REPS2: variants seen among roughly 807,000 people sequenced by gnomAD.
The protein encoded by REPS2 is ralBP1-associated Eps domain-containing protein 2.
In REPS2, 23 loss-of-function variants were observed where a neutral mutation model predicts 53.6. That is an observed-to-expected ratio of 0.43 (90% CI 0.31 to 0.61). The LOEUF (loss-of-function observed/expected upper bound fraction) is 0.61. Ranked by LOEUF, REPS2 falls within the 20% of genes least tolerant of loss-of-function variation. The pLI is 0.11. For synonymous variants in REPS2, 238 were observed against 218.6 expected, an observed-to-expected ratio of 1.09 and a Z score of -0.78; for missense variants, 446 against 534.9, an observed-to-expected ratio of 0.83 and a Z score of 1.64.
In REPS2 at chrX:17,106,415, C is replaced by CT. The variant is rs1228397463; in HGVS notation, c.1578+2652dup. Among the ~76,000 whole-genome samples, 198 of 100,204 alleles carry CT rather than the reference C, an allele frequency of 2.0e-3. 1 individual carries two copies. Among genetic ancestry groups the CT allele is most frequent in the South Asian group, 8.9e-3 (20 of 2,259 alleles). The allele number at this position is 100,204 out of a possible 115,157, so 87.0% of individuals were successfully genotyped here. A position where few individuals can be genotyped will look rare whatever the true frequency, so the allele number is the denominator to read the frequency against. ...AAAATGGCCATACTGCCTGAAGTAA[C>CT]TTTTTTTTTTTTTTTTGAGACGGAG... is the stretch of plus-strand genomic sequence containing the variant. On this transcript the variant is annotated intron_variant, in intron 14 of 17. Transcript: ENST00000357277.
At position 17,038,205 on chromosome X, in the gene REPS2, A is replaced by G. The variant is rs1162691375; in HGVS notation, c.771+8582A>G. Among the ~76,000 whole-genome samples the G allele has an allele frequency of 4.5e-5, 5 of 112,247 alleles. No individual in the cohort carries two copies. In the East Asian group the frequency reaches 1.4e-3, roughly 31 times the overall value. On this transcript the variant is annotated intron_variant, in intron 5 of 17. Coordinates refer to ENST00000357277, the MANE Select transcript of REPS2 (RefSeq NM_004726.3). ...TATGCATGTGGAATTAAAAACTGACAATTGCCCTAAAGGCCTTAAAACATG... is the reference window on the plus strand; with the variant it reads ...TATGCATGTGGAATTAAAAACTGACGATTGCCCTAAAGGCCTTAAAACATG...
chrX:17,123,362 C>A (rs986834996), intron 14 of REPS2, among the ~76,000 whole-genome samples: 1 of 112,498 alleles, frequency 8.9e-6, no homozygotes, highest in African/African-American at 3.2e-5. Flanking sequence ...CATAGAAGAA[C>A]AAAACCCAGG....
intron 14 of REPS2, among the ~76,000 whole-genome samples, chrX:17,107,818 G>T: frequency 8.9e-6 from 1 of 112,627 alleles, no homozygotes; most frequent in Admixed American, 9.4e-5. Flanking sequence ...CAGCTCAGAA[G>T]AGGTGACTTT....
At chrX:17,157,502 T>A (rs1249454250), downstream of REPS2, among the ~76,000 whole-genome samples, 1 of 112,273 alleles carries the variant, frequency 8.9e-6, no homozygotes, top group Non-Finnish European at 1.9e-5. Context: ...ATTCTGCCTC[T>A]GCAGTGTCTG....
intron 5 of REPS2, among the ~76,000 whole-genome samples, chrX:17,032,576 G>T (rs993383195): frequency 4.5e-5 from 5 of 111,975 alleles, no homozygotes; most frequent in African/African-American, 9.8e-5. Flanking sequence ...AGGGATTAAT[G>T]TTTACTGGGC....
intron 6 of REPS2, among the ~76,000 whole-genome samples, chrX:17,047,718 C>T (rs1190717057): frequency 1.8e-5 from 2 of 112,875 alleles, no homozygotes; most frequent in Non-Finnish European, 3.7e-5. Context: ...TTGGCCCAGA[C>T]CCTGCACCTT....
chrX:17,047,424 C>T lies in REPS2; in HGVS notation c.849C>T (p.Arg283=). 6 of 1,210,725 alleles carry T rather than the reference C, an allele frequency of 5.0e-6. No individual in the cohort carries two copies. The highest frequency in any genetic ancestry group is 6.7e-6 in the Non-Finnish European group (6 of 895,113). Residue 283 remains arginine, a synonymous_variant, in exon 6 of 18, where the codon CGC becomes CGT. Transcript: ENST00000357277. The part of the protein sequence containing the change: ...DEPWRITEEQ[R]EYYVNQFRSL... ...CCTGGAGGATAACAGAAGAACAGCG[C>T]GAGTACTATGTCAATCAGTTCCGAT...
chrX:17,075,126 C>G (rs1489909383), intron 12 of REPS2, among the ~76,000 whole-genome samples: 1 of 111,475 alleles, frequency 9.0e-6, no homozygotes, highest in Non-Finnish European at 1.9e-5. Context: ...TAGAGTAATT[C>G]ATTTAGGTAG....
chrX:16,946,699 A>C lies in REPS2; in HGVS notation c.-163A>C. 8.4e-6 allele frequency: 4 copies of C among 478,300 alleles called. No individual in the cohort carries two copies. Among genetic ancestry groups the C allele is most frequent in the Non-Finnish European group, 1.0e-5 (4 of 393,091 alleles). The allele number at this position is 478,300 out of a possible 1,213,427, so 39.4% of individuals were successfully genotyped here. The stretch of plus-strand genomic sequence containing the variant: ...GGTGGGGCCGGCGCGCGCCGGGAGG[A>C]AGCGGCCGCGCGGCAGCTGCGGGGC... On this transcript the variant is annotated 5_prime_UTR_variant, in exon 1 of 18. Transcript: ENST00000357277.
chrX:17,101,928 G>T (rs980601081), intron 13 of REPS2, among the ~76,000 whole-genome samples: 2 of 111,707 alleles, frequency 1.8e-5, no homozygotes, highest in Non-Finnish European at 3.8e-5. Context: ...ATCATTTCTT[G>T]TATAGTCCTC....
rs954073316 is a variant in REPS2, at chrX:17,104,676, G to C, written c.1578+897G>C. ...GTTTTTAGCATCCACTCAACCTTGA[G>C]ATGCAAATACTATGAGATATTGGCT... On this transcript the variant is annotated intron_variant, in intron 14 of 17. Transcript: ENST00000357277. Among the ~76,000 whole-genome samples the C allele has an allele frequency of 2.7e-5, 3 of 111,593 alleles. No homozygotes were observed. The Admixed American group carries it at 2.9e-4, about 11-fold the overall frequency.
At chrX:17,190,972 T>A in the REPS2 span, among the ~76,000 whole-genome samples, 2 of 111,920 alleles carry the variant, frequency 1.8e-5, no homozygotes, top group African/African-American at 3.2e-5. Flanking sequence ...TAATCTCAAA[T>A]GGATCATAGA....
intron 2 of REPS2, among the ~76,000 whole-genome samples, chrX:17,015,800 C>T (rs2147825312): frequency 1.8e-5 from 2 of 111,990 alleles, no homozygotes; most frequent in South Asian, 3.7e-4. Flanking sequence ...TTTTCTTAAT[C>T]CAGTCTATCA....
At chrX:17,113,783 C>G (rs2063009814) in intron 14 of REPS2, among the ~76,000 whole-genome samples, 1 of 111,147 alleles carries the variant, frequency 9.0e-6, no homozygotes, top group Non-Finnish European at 1.9e-5. Context: ...GTAAGCCTGT[C>G]CCCCTTCCTT....
intron 14 of REPS2, among the ~76,000 whole-genome samples, chrX:17,129,453 G>A (rs2063263423): frequency 9.0e-6 from 1 of 111,272 alleles, no homozygotes; most frequent in Admixed American, 9.5e-5. Context: ...CCTTCCTAAT[G>A]CCTGTGTTCC....
At chrX:17,059,350 C>G (rs1390504150) in intron 8 of REPS2, among the ~76,000 whole-genome samples, 4 of 96,609 alleles carry the variant, frequency 4.1e-5, no homozygotes. Flanking sequence ...CAACTTTTTT[C>G]TAATTGATCT....
chrX:17,124,197 A>G (rs1288572524), intron 14 of REPS2, among the ~76,000 whole-genome samples: 1 of 112,192 alleles, frequency 8.9e-6, no homozygotes, highest in East Asian at 2.8e-4. Flanking sequence ...TGCAGTTACC[A>G]AGGAATGAAT....
chrX:16,986,112 A>G lies in REPS2; in HGVS notation c.274-20109A>G, dbSNP rs185633987. 4.9e-3 allele frequency among the ~76,000 whole-genome samples: 552 copies of G among 112,167 alleles called. 5 individuals are homozygous for G. The highest frequency in any genetic ancestry group is 0.016 in the African/African-American group (501 of 30,919). ...CATTATGCTATGCTCCATCACTGCA[A>G]TTTTAATGCAACTTATATATTGTGC... On this transcript the variant is annotated intron_variant, in intron 1 of 17. Transcript: ENST00000357277.
At chrX:17,133,299 G>A (rs373735088) in intron 14 of REPS2, among the ~76,000 whole-genome samples, 57 of 111,528 alleles carry the variant, frequency 5.1e-4, no homozygotes, top group African/African-American at 1.5e-3. Context: ...TGGTGGAGGC[G>A]ACTGCAGTGG....
Sources: gnomAD v4.1 joint callset for allele counts (sites outside exome capture counted in the v4.1 genomes callset) on GRCh38, gnomAD v4.1.1 for gene constraint, MANE v1.5 for transcripts, NCBI Gene and HGNC (gene_info 2026-07-23, HGNC 2026-07-21) for gene names.